The following RYR3 variants were observed in gnomAD, a reference collection of about 807,000 sequenced individuals.
The protein encoded by RYR3 is ryanodine receptor 3.
In RYR3, 207 loss-of-function variants were observed where a neutral mutation model predicts 584.3. The ratio of observed to expected loss-of-function variants is 0.35; its 90% CI spans 0.32 to 0.40. RYR3 has a LOEUF of 0.40. RYR3 is among the 10% of genes least tolerant of loss of function. RYR3 has a pLI of 1.00. For missense variants in RYR3, 5,616 were observed against 6,089.2 expected, an observed-to-expected ratio of 0.92 and a Z score of 2.59; for synonymous variants, 2,416 against 2,248.5, an observed-to-expected ratio of 1.07 and a Z score of -2.11.
chr15:33,432,916 C>G (rs906988727), intron 1 of RYR3, among the ~76,000 whole-genome samples: 1 of 151,684 alleles, frequency 6.6e-6, no homozygotes, highest in Non-Finnish European at 1.5e-5. Context: ...TCAATACAAT[C>G]CAACTCTTTG....
chr15:33,585,372 C>G (rs1398329859), intron 15 of RYR3, among the ~76,000 whole-genome samples: 2 of 152,230 alleles, frequency 1.3e-5, no homozygotes, highest in East Asian at 3.9e-4. Context: ...GAATTTCAAT[C>G]ATGATATTAC....
At chr15:33,785,475 C>A (rs1333730245) in intron 65 of RYR3, among the ~76,000 whole-genome samples, 187 bp from the exon 66 acceptor site, 1 of 152,178 alleles carries the variant, frequency 6.6e-6, no homozygotes, top group African/African-American at 2.4e-5. Context: ...GAAGATAATG[C>A]AGCCTCTGGA....
chr15:33,750,022 C>A lies in RYR3; in HGVS notation c.8243C>A (p.Ala2748Asp), dbSNP rs199768154. 5 of 1,612,290 alleles carry A rather than the reference C, an allele frequency of 3.1e-6. No homozygotes were observed. Among genetic ancestry groups the A allele is most frequent in the Non-Finnish European group, 3.4e-6 (4 of 1,179,362 alleles). The change falls in exon 56 of 104, where the codon GCC (alanine) becomes GAC (aspartate). Residue 2748 changes from alanine (A) to aspartate (D), a missense_variant. Physicochemically the swap from Ala to Asp is moderately radical, Grantham distance 126. Around this residue, in one of 9 missense-constraint regions of RYR3, gnomAD observed 1,280 missense variants for 1,426.2 expected, o/e 0.90. Transcript: ENST00000634891. ...VVAENYHNIW[A>D]KKKKLELESK... is the part of the protein sequence containing the mutation. ...GCTGAGAACTATCACAATATCTGGG[C>A]CAAGAAGAAGAAGCTGGAGCTGGAG...
intron 77 of RYR3, among the ~76,000 whole-genome samples, chr15:33,820,250 A>G (rs1417695483): frequency 6.6e-6 from 1 of 152,232 alleles, no homozygotes; most frequent in Non-Finnish European, 1.5e-5. Flanking sequence ...ATGCTGAGCA[A>G]ATAAGGGAAA....
At chr15:33,704,763 A>G (rs889706852) in intron 42 of RYR3, among the ~76,000 whole-genome samples, 1 of 152,196 alleles carries the variant, frequency 6.6e-6, no homozygotes, top group African/African-American at 2.4e-5. Flanking sequence ...CAGCAAAGAC[A>G]TGGAGCCTCC....
chr15:33,644,242 T>G, intron 27 of RYR3, 69 bp from the exon 28 acceptor site: 1 of 1,251,298 alleles, frequency 8.0e-7, no homozygotes, highest in Non-Finnish European at 1.1e-6. Context: ...GAAGCAAAGA[T>G]TCAGCTGCCT....
At chr15:33,768,788 C>A in intron 61 of RYR3, 81 bp downstream of exon 61, 1 of 1,379,398 alleles carries the variant, frequency 7.2e-7, no homozygotes, top group Non-Finnish European at 1.0e-6. Context: ...GTGTCTTCCT[C>A]AGACAACCCG....
At chr15:33,817,410 C>A (rs2076873545) in intron 75 of RYR3, among the ~76,000 whole-genome samples, 2 of 152,166 alleles carry the variant, frequency 1.3e-5, no homozygotes, top group South Asian at 4.1e-4. Flanking sequence ...TAACAGACTT[C>A]ATGCTCTAAA....
chr15:33,845,529 C>T (rs1016629366), intron 93 of RYR3, among the ~76,000 whole-genome samples: 3 of 152,332 alleles, frequency 2.0e-5, no homozygotes, highest in Admixed American at 6.5e-5. Flanking sequence ...GCTGGGATTA[C>T]AAGCATGAGC....
rs1050144615 is a variant in RYR3 at position 33,708,565 on chromosome 15, T to C, written c.6619+1511T>C. ...TATTTTATATCTTTTCAATATATTT[T>C]CTGCACTACAATTCTATAATGCAAC... On this transcript the variant is annotated intron_variant, in intron 43 of 103. Transcript: ENST00000634891. 4.6e-5 allele frequency among the ~76,000 whole-genome samples: 7 copies of C among 152,326 alleles called. No individual in the cohort carries two copies. The South Asian group carries it at 1.2e-3, about 27-fold the overall frequency.
intron 1 of RYR3, among the ~76,000 whole-genome samples, chr15:33,315,200 G>A (rs1967983560): frequency 6.6e-6 from 1 of 152,144 alleles, no homozygotes. Context: ...CAGCGCTCAC[G>A]TGAGCTCATG....
intron 51 of RYR3, among the ~76,000 whole-genome samples, chr15:33,741,331 C>A (rs1439935439): frequency 1.3e-5 from 2 of 152,212 alleles, no homozygotes; most frequent in Admixed American, 1.3e-4. Context: ...GGGAGGAAAT[C>A]GACAATCTTC....
At chr15:33,706,806 C>G (rs1444283025) in intron 42 of RYR3, 113 bp from the exon 43 acceptor site, 1 of 989,974 alleles carries the variant, frequency 1.0e-6, no homozygotes, top group African/African-American at 1.6e-5. Context: ...CAGCAATGCA[C>G]AAGAGTTCCA....
At chr15:33,864,055 T>C (rs756163745) in intron 102 of RYR3, 83 bp from the exon 103 acceptor site, 16 of 1,040,846 alleles carry the variant, frequency 1.5e-5, no homozygotes, top group Non-Finnish European at 2.3e-5. Flanking sequence ...AACTAGCCTT[T>C]CTGAGCCCTG....
At chr15:33,528,883 G>A (rs1022542839) in intron 3 of RYR3, among the ~76,000 whole-genome samples, 1 of 152,188 alleles carries the variant, frequency 6.6e-6, no homozygotes, top group South Asian at 2.1e-4. Flanking sequence ...TATGATTAGA[G>A]AGTTGGTAGG....
chr15:33,845,139 G>A, intron 93 of RYR3, 77 bp downstream of exon 93: 2 of 1,482,218 alleles, frequency 1.3e-6, no homozygotes, highest in Non-Finnish European at 1.9e-6. Context: ...CCAGCCCTTT[G>A]CTCTAAGACT....
At chr15:33,519,134 T>TG (rs1279604118) in intron 3 of RYR3, among the ~76,000 whole-genome samples, 4 of 152,052 alleles carry the variant, frequency 2.6e-5, no homozygotes, top group Non-Finnish European at 5.9e-5. Context: ...CTAGAATGCA[T>TG]GGGGGGCAGT....
intron 43 of RYR3, among the ~76,000 whole-genome samples, chr15:33,711,750 TC>T (rs1234284510): frequency 6.6e-6 from 1 of 152,214 alleles, no homozygotes; most frequent in Non-Finnish European, 1.5e-5. Context: ...AGCTTGGACT[TC>T]ACTGTCAGCA....
At chr15:33,759,689 G>A (rs933472618) in intron 60 of RYR3, among the ~76,000 whole-genome samples, 20 of 152,162 alleles carry the variant, frequency 1.3e-4, no homozygotes, top group African/African-American at 3.6e-4. Context: ...TGAAAGTGAC[G>A]GGGAGAATAG....
Sources: gnomAD v4.1 joint callset for allele counts (sites outside exome capture counted in the v4.1 genomes callset) on GRCh38, gnomAD v4.1.1 for gene constraint, gnomAD v4.1.1 regional missense constraint, MANE v1.5 for transcripts, NCBI Gene and HGNC (gene_info 2026-07-23, HGNC 2026-07-21) for gene names.